ORMDL1: variants seen among roughly 807,000 people sequenced by gnomAD.
The protein encoded by ORMDL1 is ORMDL sphingolipid biosynthesis regulator 1.
In ORMDL1, 10 loss-of-function variants were observed where a neutral mutation model predicts 13.0. The ratio of observed to expected loss-of-function variants is 0.77; its 90% CI spans 0.47 to 1.30. The LOEUF (loss-of-function observed/expected upper bound fraction) is 1.30, where lower values mean the gene tolerates loss of function less well. ORMDL1 is among the 50% of genes most tolerant of loss of function. The pLI is 0.00. For missense variants in ORMDL1, 171 were observed against 186.7 expected, an observed-to-expected ratio of 0.92 and a Z score of 0.49; for synonymous variants, 61 against 63.9, an observed-to-expected ratio of 0.95 and a Z score of 0.22.
intron 1 of ORMDL1, 181 bp downstream of exon 1, chr2:189,784,088 A>G (rs920969432): frequency 2.0e-5 from 3 of 152,280 alleles, no homozygotes; most frequent in Non-Finnish European, 4.4e-5. Context: ...GGACCCTGGC[A>G]AGACAACGAG....
chr2:189,782,319 C>A (rs1574971974), intron 3 of ORMDL1, 103 bp downstream of exon 3: 3 of 1,073,092 alleles, frequency 2.8e-6, no homozygotes, highest in East Asian at 5.2e-5. Flanking sequence ...ACCAAAAACT[C>A]TGTACCCATT....
intron 3 of ORMDL1, among the ~76,000 whole-genome samples, chr2:189,779,223 TC>T (rs998749728): frequency 3.9e-5 from 6 of 152,132 alleles, no homozygotes; most frequent in African/African-American, 1.4e-4. Context: ...ATGCCTGTAA[TC>T]CCAGCACTTT....
chr2:189,777,146 A>T (rs1361842366), intron 3 of ORMDL1, among the ~76,000 whole-genome samples: 2 of 152,208 alleles, frequency 1.3e-5, no homozygotes, highest in Non-Finnish European at 2.9e-5. Flanking sequence ...AAATACGATT[A>T]CAGTACAATA....
chr2:189,766,795 ACCACC>A (rs1444225601), downstream of ORMDL1, among the ~76,000 whole-genome samples: 5 of 152,170 alleles, frequency 3.3e-5, no homozygotes, highest in African/African-American at 1.2e-4. Flanking sequence ...GCCCTTGGCA[ACCACC>A]ATTCCACTTT....
Position 189,771,908 on chromosome 2 carries a change from G to C in ORMDL1, c.327-6C>G, listed in dbSNP as rs778891000. ...AGAAACTTGCCAGAAAATATCTGTA[G>C]AGATAAAAGTTAAGAATATATATAA... On this transcript the variant is annotated splice_region_variant and splice_polypyrimidine_tract_variant and intron_variant, in intron 4 of 4. Transcript: ENST00000392349. 2 of 1,562,908 alleles carry C rather than the reference G, an allele frequency of 1.3e-6. No individual in the cohort carries two copies. The highest frequency in any genetic ancestry group is 1.4e-5 in the African/African-American group (1 of 72,492).
intron 4 of ORMDL1, among the ~76,000 whole-genome samples, chr2:189,773,253 C>T (rs993298116): frequency 1.3e-5 from 2 of 152,292 alleles, no homozygotes; most frequent in East Asian, 3.9e-4. Context: ...AAAACTTAGG[C>T]AATCCTCTGA....
Position 189,775,682 on chromosome 2 carries a change from G to A in ORMDL1, c.209C>T (p.Thr70Ile), listed in dbSNP as rs1204992290. The change falls in exon 4 of 5, where the codon ACA (threonine) becomes ATA (isoleucine). Residue 70 changes from threonine to isoleucine, a missense_variant. Transcript: ENST00000392349. ...ACCCTGGTCAGGAGTTTCGAAAGGT[G>A]TTCCTTTCACTGCATGCAAAAATAC... ...MYVFLHAVKG[T>I]PFETPDQGKA... is the part of the protein sequence containing the mutation. 2 of 1,613,754 alleles carry A rather than the reference G, an allele frequency of 1.2e-6. No individual in the cohort carries two copies. Among genetic ancestry groups the A allele is most frequent in the South Asian group, 1.1e-5 (1 of 91,032 alleles).
chr2:189,781,631 T>C (rs1448479791), intron 3 of ORMDL1, among the ~76,000 whole-genome samples: 3 of 151,804 alleles, frequency 2.0e-5, no homozygotes, highest in Non-Finnish European at 4.4e-5. Flanking sequence ...TTAACAAGGA[T>C]TGAAACTAAA....
chr2:189,775,620 A>G lies in ORMDL1; in HGVS notation c.271T>C (p.Tyr91His), dbSNP rs1156903012. Reference protein sequence around the residue: ...RLLTHWEQLDYGVQFTSSRKF... With the variant: ...RLLTHWEQLDHGVQFTSSRKF... ...CGTGAAGATGTAAACTGTACTCCAT[A>G]GTCCAGTTGTTCCCAATGAGTTAGG... The change falls in exon 4 of 5, where the codon TAT becomes CAT. Residue 91 changes from tyrosine (Y) to histidine (H), a missense_variant. By Grantham distance (83) the Tyr-to-His change is moderately conservative. Coordinates refer to ENST00000392349, the MANE Select transcript of ORMDL1 (RefSeq NM_016467.5). 1 of 1,613,968 alleles carries G rather than the reference A, an allele frequency of 6.2e-7. No individual in the cohort carries two copies. Among genetic ancestry groups the G allele is most frequent in the East Asian group, 2.2e-5 (1 of 44,856 alleles).
At chr2:189,779,261 G>A (rs1217997730) in intron 3 of ORMDL1, among the ~76,000 whole-genome samples, 1 of 152,180 alleles carries the variant, frequency 6.6e-6, no homozygotes, top group East Asian at 1.9e-4. Flanking sequence ...AGGACTGCTT[G>A]AGGCCAGGAG....
intron 3 of ORMDL1, among the ~76,000 whole-genome samples, chr2:189,776,295 A>G (rs2047693417): frequency 6.6e-6 from 1 of 152,186 alleles, no homozygotes; most frequent in Admixed American, 6.5e-5. Context: ...TTAAATCGCT[A>G]TTGTGCCTCA....
rs1035464750 is a variant in ORMDL1 at position 189,771,186 on chromosome 2, A to C, written c.*581T>G. ...TGAACTCTGTAACGTAATAAATGTA[A>C]AAATGGCCTCATTGACCAATACACA... On this transcript the variant is annotated 3_prime_UTR_variant, in exon 5 of 5. Coordinates refer to ENST00000392349, the MANE Select transcript of ORMDL1 (RefSeq NM_016467.5). 3 of 152,214 alleles carry C rather than the reference A, an allele frequency of 2.0e-5. No individual in the cohort carries two copies. The highest frequency in any genetic ancestry group is 4.4e-5 in the Non-Finnish European group (3 of 68,028). The allele number at this position is 152,214 out of a possible 1,614,324, so 9.4% of individuals were successfully genotyped here.
In ORMDL1 at chr2:189,771,804, AGTT is replaced by A. The variant is rs755474028; in HGVS notation, c.422_424del (p.Gln141del). On this transcript the variant is annotated inframe_deletion, in exon 5 of 5. Transcript: ENST00000392349. The stretch of plus-strand genomic sequence containing the variant: ...AATTCCAAAGATCCGAACACCATGT[AGTT>A]GTGGCATTTTGGGAATTAGTACACT... 1 of 1,612,344 alleles carries A rather than the reference AGTT, an allele frequency of 6.2e-7. No individual in the cohort carries two copies. Among genetic ancestry groups the A allele is most frequent in the Non-Finnish European group, 8.5e-7 (1 of 1,179,376 alleles).
At chr2:189,777,338 A>T (rs1034042301) in intron 3 of ORMDL1, among the ~76,000 whole-genome samples, 1 of 151,920 alleles carries the variant, frequency 6.6e-6, no homozygotes, top group Non-Finnish European at 1.5e-5. Context: ...TTTCATATGG[A>T]CTTTAAAGTG....
chr2:189,780,841 T>C (rs2047808308), intron 3 of ORMDL1, among the ~76,000 whole-genome samples: 1 of 152,218 alleles, frequency 6.6e-6, no homozygotes, highest in South Asian at 2.1e-4. Flanking sequence ...GGACACATAT[T>C]TATCATGTCT....
chr2:189,781,823 T>C (rs932591937), intron 3 of ORMDL1, among the ~76,000 whole-genome samples: 1 of 152,222 alleles, frequency 6.6e-6, no homozygotes, highest in Non-Finnish European at 1.5e-5. Flanking sequence ...TGGATTTTAT[T>C]GCATGTGAAT....
chr2:189,784,151 G>C (rs1456650424), intron 1 of ORMDL1, 118 bp downstream of exon 1: 1 of 152,524 alleles, frequency 6.6e-6, no homozygotes, highest in Non-Finnish European at 1.5e-5. Context: ...CGGCCACGCA[G>C]GGCGCCGCAG....
chr2:189,782,687 G>T, intron 2 of ORMDL1, 85 bp from the exon 3 acceptor site: 1 of 1,277,554 alleles, frequency 7.8e-7, no homozygotes, highest in Non-Finnish European at 1.1e-6. Context: ...TACCTGTGTT[G>T]CGAGGATTAT....
In ORMDL1 at chr2:189,770,471, C is replaced by T. The variant is rs1458458140; in HGVS notation, c.*1296G>A. 1 of 152,108 alleles carries T rather than the reference C, an allele frequency of 6.6e-6. No individual in the cohort carries two copies. Among genetic ancestry groups the T allele is most frequent in the African/African-American group, 2.4e-5 (1 of 41,424 alleles). The allele number at this position is 152,108 out of a possible 1,614,324, so 9.4% of individuals were successfully genotyped here. A position where few individuals can be genotyped will look rare whatever the true frequency, so the allele number is the denominator to read the frequency against. On this transcript the variant is annotated 3_prime_UTR_variant, in exon 5 of 5. Transcript: ENST00000392349. Reference sequence around the variant, plus strand: ...GATACAAAACAATGATCATTACCCCCAAAAGTCAGTTTACTGACACGAATT... The same window carrying T: ...GATACAAAACAATGATCATTACCCCTAAAAGTCAGTTTACTGACACGAATT...
Sources: allele counts gnomAD v4.1 joint callset (sites outside exome capture counted in the v4.1 genomes callset), GRCh38; gene constraint gnomAD v4.1.1; transcripts MANE v1.5; gene names NCBI Gene and HGNC (gene_info 2026-07-23, HGNC 2026-07-21).